Variants in PPP2R2B observed in about 807,000 individuals in gnomAD.
PPP2R2B encodes the protein serine/threonine-protein phosphatase 2A 55 kDa regulatory subunit B beta isoform.
Under a neutral mutation model 46.0 loss-of-function variants are expected in PPP2R2B, and 5 were observed. The observed-to-expected ratio is 0.11, with a 90% CI of 0.06 to 0.23. The LOEUF (loss-of-function observed/expected upper bound fraction) is 0.23, where lower values mean the gene tolerates loss of function less well. Among genes scored for constraint, PPP2R2B ranks in the 10% least tolerant of loss-of-function variants. PPP2R2B has a pLI of 1.00. For synonymous variants in PPP2R2B, 215 were observed against 206.7 expected, an observed-to-expected ratio of 1.04 and a Z score of -0.34; for missense variants, 367 against 575.0, an observed-to-expected ratio of 0.64 and a Z score of 3.70.
intron 1 of PPP2R2B, among the ~76,000 whole-genome samples, chr5:146,925,273 G>C (rs1763744938): frequency 6.6e-6 from 1 of 152,054 alleles, no homozygotes; most frequent in Non-Finnish European, 1.5e-5. Context: ...TGCTATCATA[G>C]AGTACCATTT....
At chr5:146,664,278 T>A (rs908418337) in intron 5 of PPP2R2B, among the ~76,000 whole-genome samples, 12 of 152,306 alleles carry the variant, frequency 7.9e-5, no homozygotes, top group Middle Eastern at 6.8e-3. Context: ...TTAGAGACAA[T>A]CCGCTCAAGC....
At chr5:147,056,143 T>C, upstream of PPP2R2B, 1 of 1,028,772 alleles carries the variant, frequency 9.7e-7, no homozygotes, top group Non-Finnish European at 1.2e-6. Context: ...GATATGGGAG[T>C]AGTGAGGATA....
chr5:146,952,273 A>C (rs1751650704), intron 1 of PPP2R2B, among the ~76,000 whole-genome samples: 1 of 152,052 alleles, frequency 6.6e-6, no homozygotes, highest in African/African-American at 2.4e-5. Flanking sequence ...AAGATAAACA[A>C]CACCATAAAG....
At chr5:147,059,027 C>T (rs1479629058), upstream of PPP2R2B, among the ~76,000 whole-genome samples, 1 of 152,120 alleles carries the variant, frequency 6.6e-6, no homozygotes, top group African/African-American at 2.4e-5. Context: ...TCTGGCTTGA[C>T]AAGTTTGGGT....
At position 146,976,908 on chromosome 5, in the gene PPP2R2B, T is replaced by C. The variant is rs1040163590; in HGVS notation, c.79+78757A>G. 5.9e-5 allele frequency among the ~76,000 whole-genome samples: 9 copies of C among 152,248 alleles called. No homozygotes were observed. The South Asian group carries it at 1.5e-3, about 25-fold the overall frequency. ...ATCACTCCCATAAAACTAACAAGCA[T>C]AGAGATTAAAAGAACAGGATTGACG... On this transcript the variant is annotated intron_variant, in intron 1 of 8. Coordinates refer to the PPP2R2B transcript ENST00000336640.
intron 1 of PPP2R2B, among the ~76,000 whole-genome samples, chr5:146,906,301 T>C (rs1026210592): frequency 1.4e-5 from 2 of 144,220 alleles, no homozygotes; most frequent in Non-Finnish European, 3.0e-5. Flanking sequence ...TCTTGTACCA[T>C]TTTCCATTTA....
intron 2 of PPP2R2B, among the ~76,000 whole-genome samples, chr5:147,068,229 T>C (rs183958083): frequency 7.5e-4 from 114 of 152,360 alleles, no homozygotes; most frequent in Admixed American, 4.1e-3. Flanking sequence ...GATTATTTTA[T>C]TTCATCCTCC....
intron 7 of PPP2R2B, among the ~76,000 whole-genome samples, chr5:146,620,466 T>A (rs772775981): frequency 9.2e-5 from 14 of 152,328 alleles, no homozygotes; most frequent in Admixed American, 5.9e-4. Context: ...GACAAGATGA[T>A]GAGTTGGCAG....
intron 2 of PPP2R2B, among the ~76,000 whole-genome samples, chr5:146,739,500 G>A (rs2151218345): frequency 1.3e-5 from 2 of 152,240 alleles, no homozygotes; most frequent in South Asian, 4.2e-4. Flanking sequence ...GTACATTTGG[G>A]GACCAACAGA....
At chr5:146,983,435 C>T in intron 1 of PPP2R2B, among the ~76,000 whole-genome samples, 1 of 152,164 alleles carries the variant, frequency 6.6e-6, no homozygotes, top group African/African-American at 2.4e-5. Context: ...CCGCCTTGGC[C>T]TCCCAAAGTG....
At chr5:146,880,462 C>A (rs1276862381), upstream of PPP2R2B, among the ~76,000 whole-genome samples, 1 of 152,152 alleles carries the variant, frequency 6.6e-6, no homozygotes, top group African/African-American at 2.4e-5. Flanking sequence ...CACATTGCAG[C>A]TTCTCTTGGA....
chr5:146,910,688 T>C (rs1763146508), intron 1 of PPP2R2B, among the ~76,000 whole-genome samples: 1 of 152,242 alleles, frequency 6.6e-6, no homozygotes, highest in Admixed American at 6.5e-5. Context: ...GATGTTACTG[T>C]TAATAATACA....
intron 8 of PPP2R2B, among the ~76,000 whole-genome samples, chr5:146,596,093 A>G (rs1459465344): frequency 6.6e-6 from 1 of 152,202 alleles, no homozygotes; most frequent in African/African-American, 2.4e-5. Context: ...CAACTCTGCC[A>G]TTGTGCATGG....
chr5:146,590,393 T>TG, intron 9 of PPP2R2B, among the ~76,000 whole-genome samples, 167 bp from the exon 10 acceptor site: 1 of 148,004 alleles, frequency 6.8e-6, no homozygotes, highest in African/African-American at 2.6e-5. Flanking sequence ...TTGTTTTTTT[T>TG]TTGTGTTTTT....
intron 1 of PPP2R2B, among the ~76,000 whole-genome samples, chr5:147,052,410 C>T (rs1299696793): frequency 6.6e-6 from 1 of 152,140 alleles, no homozygotes; most frequent in Non-Finnish European, 1.5e-5. Context: ...GCTTCCAGTA[C>T]AGCAGGGAGA....
At chr5:146,938,368 G>C (rs1398459188) in intron 1 of PPP2R2B, among the ~76,000 whole-genome samples, 1 of 152,148 alleles carries the variant, frequency 6.6e-6, no homozygotes, top group Non-Finnish European at 1.5e-5. Flanking sequence ...TGGTTGACAT[G>C]AGAGAAAATG....
intron 2 of PPP2R2B, among the ~76,000 whole-genome samples, chr5:146,821,362 C>T (rs1278091620): frequency 6.6e-6 from 1 of 152,112 alleles, no homozygotes; most frequent in Admixed American, 6.6e-5. Context: ...CATTAATGCC[C>T]CCTTGAAGCT....
At position 146,976,117 on chromosome 5, in the gene PPP2R2B, A is replaced by ATTATTATTG. The variant is rs1273792855; in HGVS notation, c.79+79547_79+79548insCAATAATAA. The stretch of plus-strand genomic sequence containing the variant: ...TTCATTTTTTAAAAAATTTATTATT[A>ATTATTATTG]TTATTATTATTATTATTATTATTAT... On this transcript the variant is annotated intron_variant, in intron 1 of 8. Transcript: ENST00000336640. Among the ~76,000 whole-genome samples, 51 of 89,458 alleles carry ATTATTATTG rather than the reference A, an allele frequency of 5.7e-4. 1 individual carries two copies. The highest frequency in any genetic ancestry group is 1.4e-3 in the Admixed American group (12 of 8,832). The allele number at this position is 89,458 out of a possible 152,430, so 58.7% of individuals were successfully genotyped here. A position where few individuals can be genotyped will look rare whatever the true frequency, so the allele number is the denominator to read the frequency against.
At chr5:146,926,798 G>A (rs1440547137) in intron 1 of PPP2R2B, among the ~76,000 whole-genome samples, 1 of 152,074 alleles carries the variant, frequency 6.6e-6, no homozygotes, top group African/African-American at 2.4e-5. Context: ...TAAACCAGAA[G>A]CATATAAAGG....
Sources: allele counts gnomAD v4.1 joint callset (sites outside exome capture counted in the v4.1 genomes callset), GRCh38; gene constraint gnomAD v4.1.1; transcripts MANE v1.5; gene names NCBI Gene and HGNC (gene_info 2026-07-23, HGNC 2026-07-21).